The following MAST2 variants were observed in gnomAD, a reference collection of about 807,000 sequenced individuals.
MAST2 encodes the protein microtubule-associated serine/threonine-protein kinase 2.
MAST2 carries 70 observed loss-of-function variants against 147.4 expected under a neutral mutation model. That is an observed-to-expected ratio of 0.47 (90% confidence interval 0.39 to 0.58). The LOEUF (loss-of-function observed/expected upper bound fraction) is 0.58, where lower values mean the gene tolerates loss of function less well. Among genes scored for constraint, MAST2 ranks in the 20% least tolerant of loss-of-function variants. The probability of loss-of-function intolerance (pLI) is 0.00; values close to 1 mark genes in which losing one functional copy is unlikely to be tolerated. For synonymous variants in MAST2, 869 were observed against 896.8 expected, an observed-to-expected ratio of 0.97 and a Z score of 0.55; for missense variants, 2,080 against 2,302.3, an observed-to-expected ratio of 0.90 and a Z score of 1.98.
intron 1 of MAST2, among the ~76,000 whole-genome samples, chr1:45,816,667 G>T (rs1644464366): frequency 6.6e-6 from 1 of 152,096 alleles, no homozygotes; most frequent in African/African-American, 2.4e-5. Flanking sequence ...TGATTAAGCA[G>T]AAGAAAGAAT....
chr1:45,879,241 A>T (rs992600797), intron 3 of MAST2, among the ~76,000 whole-genome samples: 10 of 152,166 alleles, frequency 6.6e-5, no homozygotes, highest in Non-Finnish European at 1.2e-4. Context: ...CCTTAATTTC[A>T]TCTCACATAC....
intron 3 of MAST2, among the ~76,000 whole-genome samples, chr1:45,860,389 A>G (rs974508382): frequency 6.6e-6 from 1 of 151,644 alleles, no homozygotes; most frequent in African/African-American, 2.4e-5. Context: ...GTCTCAAAAA[A>G]AAAAAAAAAA....
chr1:45,804,243 G>C (rs1051500894), intron 1 of MAST2, among the ~76,000 whole-genome samples, 171 bp downstream of exon 1: 4 of 152,046 alleles, frequency 2.6e-5, no homozygotes, highest in Non-Finnish European at 2.9e-5. Flanking sequence ...AAATGGAAGT[G>C]GTGGCCTGGG....
At position 46,032,557 on chromosome 1, in the gene MAST2, T is replaced by A; in HGVS notation, c.3415-39T>A. ...CAGAACCAGGCCCCATACTTCGTGT[T>A]CAGGCTCCAGTCTGAGTACTGTTCT... On this transcript the variant is annotated intron_variant, in intron 25 of 28. Coordinates refer to ENST00000361297, the MANE Select transcript of MAST2 (RefSeq NM_015112.3). 3 of 1,608,618 alleles carry A rather than the reference T, an allele frequency of 1.9e-6. No homozygotes were observed. The East Asian group carries it at 6.7e-5, about 36-fold the overall frequency.
intron 3 of MAST2, among the ~76,000 whole-genome samples, chr1:45,880,966 CA>C (rs10660375): frequency 7.9e-4 from 71 of 89,856 alleles, no homozygotes; most frequent in Middle Eastern, 0.012. Context: ...GACTCCATCT[CA>C]AAAAAAAAAA....
rs752460602 is a variant in MAST2 at position 46,033,787 on chromosome 1, T to C, written c.3538-15T>C. 18 of 1,613,512 alleles carry C rather than the reference T, an allele frequency of 1.1e-5. No individual in the cohort carries two copies. Among genetic ancestry groups the C allele is most frequent in the Admixed American group, 3.3e-5 (2 of 59,970 alleles). On this transcript the variant is annotated splice_polypyrimidine_tract_variant and intron_variant, in intron 26 of 28. Coordinates refer to ENST00000361297, the MANE Select transcript of MAST2 (RefSeq NM_015112.3). The stretch of plus-strand genomic sequence containing the variant: ...TGGCTCCAGCTTAGCCTAGGCCTCA[T>C]GCTCTGCTCCCCAGAGTGGAAACAA...
At chr1:45,824,705 G>C in intron 2 of MAST2, 125 bp downstream of exon 2, 2 of 963,610 alleles carry the variant, frequency 2.1e-6, no homozygotes, top group Middle Eastern at 2.4e-4. Context: ...GAACATTTAT[G>C]GTAAGGCTGT....
chr1:46,025,906 A>G (rs1395649904), intron 16 of MAST2, 91 bp downstream of exon 16: 18 of 1,520,062 alleles, frequency 1.2e-5, no homozygotes, highest in Non-Finnish European at 1.6e-5. Flanking sequence ...AAATCTATCC[A>G]GATGGCTACC....
In MAST2 at chr1:45,847,704, A is replaced by C. The variant is rs576277581; in HGVS notation, c.468+18123A>C. On this transcript the variant is annotated intron_variant, in intron 3 of 28. Coordinates refer to ENST00000361297, the MANE Select transcript of MAST2 (RefSeq NM_015112.3). ...GCAGCTCACAGGAGTACCCGTGCCAAATCCCCCTGGGGCCTCCCTTTTTCT... is the reference window on the plus strand; with the variant it reads ...GCAGCTCACAGGAGTACCCGTGCCACATCCCCCTGGGGCCTCCCTTTTTCT... 5 of 288,568 alleles carry C rather than the reference A, an allele frequency of 1.7e-5. No homozygotes were observed. In the East Asian group the frequency reaches 3.3e-4, roughly 19 times the overall value. The allele number at this position is 288,568 out of a possible 1,614,324, so 17.9% of individuals were successfully genotyped here. A position where few individuals can be genotyped will look rare whatever the true frequency, so the allele number is the denominator to read the frequency against.
At chr1:45,914,278 A>G (rs1652122445) in intron 4 of MAST2, among the ~76,000 whole-genome samples, 1 of 152,364 alleles carries the variant, frequency 6.6e-6, no homozygotes, top group East Asian at 1.9e-4. Flanking sequence ...ATTTCTGCCC[A>G]TGGCCTGTCA....
intron 4 of MAST2, among the ~76,000 whole-genome samples, chr1:45,929,710 G>A (rs1210992463): frequency 6.6e-6 from 1 of 152,064 alleles, no homozygotes; most frequent in East Asian, 1.9e-4. Context: ...TCAGAGAAAC[G>A]ATTAATTTAC....
chr1:45,950,435 A>G (rs1014415940), intron 4 of MAST2, among the ~76,000 whole-genome samples: 1 of 152,216 alleles, frequency 6.6e-6, no homozygotes, highest in African/African-American at 2.4e-5. Flanking sequence ...ATGTACAGAT[A>G]AAAAGAACTT....
intron 4 of MAST2, among the ~76,000 whole-genome samples, chr1:45,941,608 G>A (rs1458292547): frequency 3.3e-5 from 5 of 152,088 alleles, no homozygotes; most frequent in African/African-American, 1.2e-4. Flanking sequence ...ATATAGGATT[G>A]TTTTGTGTGT....
At chr1:45,867,857 A>G (rs892253090) in intron 3 of MAST2, among the ~76,000 whole-genome samples, 1 of 152,210 alleles carries the variant, frequency 6.6e-6, no homozygotes, top group Non-Finnish European at 1.5e-5. Flanking sequence ...TTGACTCACA[A>G]CAATGAAGTC....
At chr1:45,844,006 A>G (rs1040474124) in intron 3 of MAST2, among the ~76,000 whole-genome samples, 1 of 152,198 alleles carries the variant, frequency 6.6e-6, no homozygotes, top group African/African-American at 2.4e-5. Context: ...TTTTGTGTTA[A>G]TTTGTAAAGA....
chr1:45,924,797 G>A (rs1479672505), intron 4 of MAST2, among the ~76,000 whole-genome samples: 1 of 152,170 alleles, frequency 6.6e-6, no homozygotes, highest in African/African-American at 2.4e-5. Context: ...TCCTAATCCA[G>A]TATGACTTGT....
At chr1:46,027,963 A>G in intron 17 of MAST2, 100 bp downstream of exon 17, 3 of 1,469,812 alleles carry the variant, frequency 2.0e-6, no homozygotes, top group Non-Finnish European at 2.8e-6. Context: ...AGGCTGAGGC[A>G]GGAGGATCGC....
At chr1:45,948,687 A>AAT (rs1404470850) in intron 4 of MAST2, among the ~76,000 whole-genome samples, 2 of 128,340 alleles carry the variant, frequency 1.6e-5, no homozygotes, top group Non-Finnish European at 3.2e-5. Context: ...AGCCTGGGCG[A>AAT]CAGAGTGAGA....
chr1:45,914,988 G>A (rs904560425), intron 4 of MAST2, among the ~76,000 whole-genome samples: 3 of 152,258 alleles, frequency 2.0e-5, no homozygotes, highest in African/African-American at 4.8e-5. Context: ...TGGCCCAGGC[G>A]GGAGGGCAGT....
Sources: gnomAD v4.1 joint callset for allele counts (sites outside exome capture counted in the v4.1 genomes callset) on GRCh38, gnomAD v4.1.1 for gene constraint, MANE v1.5 for transcripts, NCBI Gene and HGNC (gene_info 2026-07-23, HGNC 2026-07-21) for gene names.